Variants in CNTN5 observed in about 807,000 individuals in gnomAD.
The protein encoded by CNTN5 is contactin 5, also known as contactin-5.
A neutral mutation model predicts 129.1 loss-of-function variants in CNTN5; 77 were observed. The ratio of observed to expected loss-of-function variants is 0.60; its 90% confidence interval spans 0.50 to 0.72. CNTN5 has a LOEUF of 0.72. Among genes scored for constraint, CNTN5 ranks in the 30% least tolerant of loss-of-function variants. The probability of loss-of-function intolerance (pLI) is 0.00; values close to 1 mark genes in which losing one functional copy is unlikely to be tolerated. For missense variants in CNTN5, 1,478 were observed against 1,328.8 expected (o/e 1.11, Z -1.75); for synonymous variants, 509 against 465.6 (o/e 1.09, Z -1.20).
chr11:100,059,803 G>T (rs1943387999), intron 9 of CNTN5, among the ~76,000 whole-genome samples: 1 of 152,134 alleles, frequency 6.6e-6, no homozygotes, highest in African/African-American at 2.4e-5. Context: ...TGGAAAATGT[G>T]CATGTCCTTT....
intron 20 of CNTN5, among the ~76,000 whole-genome samples, chr11:100,306,357 C>G (rs1363566198): frequency 6.6e-6 from 1 of 151,576 alleles, no homozygotes; most frequent in African/African-American, 2.4e-5. Flanking sequence ...TAATTCCTTT[C>G]TTTGGAGATA....
At chr11:99,856,998 T>G in intron 6 of CNTN5, among the ~76,000 whole-genome samples, 1 of 146,768 alleles carries the variant, frequency 6.8e-6, no homozygotes, top group East Asian at 2.0e-4. Context: ...CCCTCCCTCC[T>G]TCCCTCCTTC....
intron 3 of CNTN5, among the ~76,000 whole-genome samples, chr11:99,697,697 A>AT (rs904315803): frequency 2.0e-4 from 31 of 151,864 alleles, no homozygotes; most frequent in African/African-American, 6.5e-4. Context: ...ATCTATCAAT[A>AT]TAGATTCACT....
At chr11:99,429,207 A>G (rs1943261322) in intron 2 of CNTN5, among the ~76,000 whole-genome samples, 1 of 4,774 alleles carries the variant, frequency 2.1e-4, no homozygotes, top group East Asian at 0.083. Context: ...TTTGGGCTTA[A>G]AGTTTTTTTT....
intron 3 of CNTN5, among the ~76,000 whole-genome samples, chr11:99,616,961 A>G (rs974264583): frequency 1.3e-5 from 2 of 151,694 alleles, no homozygotes; most frequent in Non-Finnish European, 2.9e-5. Context: ...AAATATAAAA[A>G]TTAGCTGGGC....
intron 3 of CNTN5, among the ~76,000 whole-genome samples, chr11:99,592,975 A>G (rs2135673123): frequency 6.6e-6 from 1 of 152,306 alleles, no homozygotes; most frequent in Non-Finnish European, 1.5e-5. Context: ...ATGTGAGAGA[A>G]AAAGGGAGGC....
chr11:100,022,518 A>G (rs1360454722), intron 9 of CNTN5, among the ~76,000 whole-genome samples: 2 of 152,218 alleles, frequency 1.3e-5, no homozygotes, highest in African/African-American at 4.8e-5. Flanking sequence ...CCCATAGTAC[A>G]ATGATACTAT....
chr11:99,298,741 A>C (rs1040849042), intron 1 of CNTN5, among the ~76,000 whole-genome samples: 3 of 152,106 alleles, frequency 2.0e-5, no homozygotes, highest in African/African-American at 7.2e-5. Context: ...AGCCCAAAAA[A>C]CATCACCCTA....
intron 8 of CNTN5, among the ~76,000 whole-genome samples, chr11:99,994,367 A>G (rs962468275): frequency 6.6e-6 from 1 of 152,232 alleles, no homozygotes; most frequent in Non-Finnish European, 1.5e-5. Context: ...GAATTAATAT[A>G]AAAGTGGGTT....
chr11:99,186,317 C>T (rs2135578892), intron 1 of CNTN5, among the ~76,000 whole-genome samples: 1 of 151,930 alleles, frequency 6.6e-6, no homozygotes, highest in East Asian at 1.9e-4. Flanking sequence ...GCACTCATAC[C>T]TTGTAGAGTT....
At chr11:99,446,520 T>A (rs1944078966) in intron 2 of CNTN5, among the ~76,000 whole-genome samples, 1 of 152,222 alleles carries the variant, frequency 6.6e-6, no homozygotes, top group African/African-American at 2.4e-5. Context: ...GTAAAGTTAT[T>A]GGCCTGCAAA....
At chr11:99,770,634 T>C (rs558327772) in intron 3 of CNTN5, among the ~76,000 whole-genome samples, 2 of 152,218 alleles carry the variant, frequency 1.3e-5, no homozygotes, top group South Asian at 4.1e-4. Flanking sequence ...CATCAATGTC[T>C]TAGTTTGTAA....
intron 2 of CNTN5, among the ~76,000 whole-genome samples, chr11:99,512,815 C>T (rs1946890867): frequency 6.6e-6 from 1 of 152,114 alleles, no homozygotes; most frequent in Non-Finnish European, 1.5e-5. Flanking sequence ...TTTCTCTCTT[C>T]CTCCTCCATC....
chr11:100,044,082 A>T (rs1236292838), intron 9 of CNTN5, among the ~76,000 whole-genome samples: 2 of 106,620 alleles, frequency 1.9e-5, no homozygotes, highest in Non-Finnish European at 3.5e-5. Context: ...GGTGTCTATT[A>T]TTCCACAGTG....
At chr11:99,793,782 G>T (rs1281049725) in intron 3 of CNTN5, among the ~76,000 whole-genome samples, 2 of 152,102 alleles carry the variant, frequency 1.3e-5, no homozygotes, top group African/African-American at 2.4e-5. Context: ...TGGTATAAGA[G>T]TGTGGTTGAT....
intron 3 of CNTN5, among the ~76,000 whole-genome samples, chr11:99,668,625 G>A (rs1406109590): frequency 5.9e-5 from 9 of 152,168 alleles, no homozygotes; most frequent in South Asian, 2.1e-4. Context: ...ACTCTCAGAC[G>A]GTTTTCATAT....
intron 9 of CNTN5, among the ~76,000 whole-genome samples, chr11:100,031,731 G>A (rs1470694815): frequency 5.3e-5 from 8 of 152,140 alleles, no homozygotes; most frequent in Non-Finnish European, 8.8e-5. Flanking sequence ...AATTACTGAT[G>A]CACATGTTAT....
intron 9 of CNTN5, among the ~76,000 whole-genome samples, chr11:100,015,714 A>G: frequency 6.6e-6 from 1 of 152,184 alleles, no homozygotes; most frequent in East Asian, 1.9e-4. Flanking sequence ...AAAAAACAAT[A>G]CAAATATTTT....
chr11:99,882,729 A>G (rs926862777), intron 6 of CNTN5, among the ~76,000 whole-genome samples: 1 of 152,152 alleles, frequency 6.6e-6, no homozygotes, highest in Non-Finnish European at 1.5e-5. Flanking sequence ...ATATATTTTT[A>G]GTTATTTTTA....
Sources: allele counts gnomAD v4.1 joint callset (sites outside exome capture counted in the v4.1 genomes callset), GRCh38; gene constraint gnomAD v4.1.1; transcripts MANE v1.5; gene names NCBI Gene and HGNC (gene_info 2026-07-23, HGNC 2026-07-21).